The following WDR93 variants were observed in gnomAD, a reference collection of about 807,000 sequenced individuals.
WDR93 encodes WD repeat-containing protein 93.
A neutral mutation model predicts 82.9 loss-of-function variants in WDR93; 73 were observed. The ratio of observed to expected loss-of-function variants is 0.88; its 90% CI spans 0.73 to 1.07. WDR93 has a LOEUF of 1.07. WDR93 is among the 50% of genes least tolerant of loss of function. The pLI is 0.00. For missense variants in WDR93, 738 were observed against 826.0 expected (o/e 0.89, Z 1.31); for synonymous variants, 283 against 300.1 (o/e 0.94, Z 0.59).
chr15:89,711,905 T>A (rs780912162), intron 4 of WDR93, 121 bp from the exon 5 acceptor site: 9 of 578,580 alleles, frequency 1.6e-5, no homozygotes, highest in Non-Finnish European at 2.6e-5. Flanking sequence ...GTTTGAAGCA[T>A]CTTTTCATGT....
chr15:89,720,059 A>G (rs1208658819), intron 7 of WDR93, among the ~76,000 whole-genome samples: 1 of 151,984 alleles, frequency 6.6e-6, no homozygotes, highest in Non-Finnish European at 1.5e-5. Flanking sequence ...TCAGCCTCCC[A>G]AAGTGTTGGG....
At chr15:89,735,445 A>G (rs1967087043) in intron 13 of WDR93, 45 bp from the exon 14 acceptor site, 4 of 1,596,758 alleles carry the variant, frequency 2.5e-6, no homozygotes, top group Non-Finnish European at 3.4e-6. Flanking sequence ...CAAAACTTTT[A>G]AACTCTTAAA....
intron 1 of WDR93, among the ~76,000 whole-genome samples, chr15:89,697,658 A>C (rs1965249269): frequency 6.6e-6 from 1 of 152,156 alleles, no homozygotes; most frequent in African/African-American, 2.4e-5. Context: ...AAAATTACTT[A>C]ATAGTGTTAT....
rs148381322 is a variant in WDR93 at position 89,703,551 on chromosome 15, C to G, written c.496+409C>G. On this transcript the variant is annotated intron_variant, in intron 3 of 16. Coordinates refer to ENST00000268130, the MANE Select transcript of WDR93 (RefSeq NM_020212.2). ...TTTTTCCCTCAGCCTGAGGATGAACCAGGCCTCCATGAGGAGTATGGTATC... is the reference window on the plus strand; with the variant it reads ...TTTTTCCCTCAGCCTGAGGATGAACGAGGCCTCCATGAGGAGTATGGTATC... 20 of 207,548 alleles carry G rather than the reference C, an allele frequency of 9.6e-5. No individual in the cohort carries two copies. The East Asian group carries it at 2.4e-3, about 25-fold the overall frequency. 12.9% of individuals were successfully genotyped at this position (207,548 alleles called of 1,614,324 possible).
intron 4 of WDR93, among the ~76,000 whole-genome samples, chr15:89,707,282 C>CT (rs1447922990): frequency 6.6e-6 from 1 of 152,150 alleles, no homozygotes; most frequent in Non-Finnish European, 1.5e-5. Context: ...GCCAGGCACG[C>CT]TGGCTCATGC....
chr15:89,696,831 A>G (rs1405800357), intron 1 of WDR93, among the ~76,000 whole-genome samples: 1 of 152,018 alleles, frequency 6.6e-6, no homozygotes, highest in Non-Finnish European at 1.5e-5. Flanking sequence ...GTCATATGGT[A>G]AATATATGTT....
chr15:89,709,235 A>C (rs1965854508), intron 4 of WDR93, among the ~76,000 whole-genome samples: 1 of 152,214 alleles, frequency 6.6e-6, no homozygotes, highest in African/African-American at 2.4e-5. Context: ...ATGTCCAGAA[A>C]ATCCTAAACC....
intron 16 of WDR93, among the ~76,000 whole-genome samples, chr15:89,740,658 C>T (rs1357101187): frequency 5.3e-5 from 8 of 151,966 alleles, no homozygotes; most frequent in Admixed American, 2.0e-4. Flanking sequence ...TGCGCCACCA[C>T]GCCCGGCTAA....
chr15:89,717,577 G>A (rs778041735), intron 7 of WDR93, among the ~76,000 whole-genome samples: 4 of 152,084 alleles, frequency 2.6e-5, no homozygotes, highest in African/African-American at 7.2e-5. Flanking sequence ...CCCTCACTTG[G>A]GCCCCTGGAA....
intron 4 of WDR93, among the ~76,000 whole-genome samples, chr15:89,708,210 A>T (rs1965807760): frequency 6.6e-6 from 1 of 152,214 alleles, no homozygotes; most frequent in African/African-American, 2.4e-5. Flanking sequence ...CAAGAGGTAC[A>T]CATATGTCAA....
Position 89,733,017 on chromosome 15 carries a change from G to A in WDR93, c.1342G>A (p.Gly448Arg). Residue 448 changes from glycine (G) to arginine (R), a missense_variant, in exon 13 of 17, where the codon GGG (glycine) becomes AGG (arginine). Gly to Arg is a moderately radical substitution (Grantham distance 125). Transcript: ENST00000268130. ...LWDLAKGFPLGVAALPQGCFC... is the reference protein window; with the variant it reads ...LWDLAKGFPLRVAALPQGCFC... ...ATTACTTTCTCTAGGATTCCCTCTT[G>A]GGGTCGCTGCTCTTCCTCAGGGATG... 1 of 1,614,020 alleles carries A rather than the reference G, an allele frequency of 6.2e-7. No individual in the cohort carries two copies. The highest frequency in any genetic ancestry group is 8.5e-7 in the Non-Finnish European group (1 of 1,179,998).
chr15:89,734,544 G>A (rs1967003908), intron 13 of WDR93, among the ~76,000 whole-genome samples: 1 of 152,138 alleles, frequency 6.6e-6, no homozygotes, highest in Non-Finnish European at 1.5e-5. Flanking sequence ...ATTGGGCAAA[G>A]CACATCCCAC....
chr15:89,705,725 G>C, intron 4 of WDR93, 107 bp downstream of exon 4: 1 of 779,010 alleles, frequency 1.3e-6, no homozygotes, highest in South Asian at 1.6e-5. Flanking sequence ...AAGAAATAGA[G>C]ACCTCCATGG....
At chr15:89,721,140 CTTTT>C (rs1966507494) in intron 7 of WDR93, 1 of 152,144 alleles carries the variant, frequency 6.6e-6, no homozygotes, top group Non-Finnish European at 1.5e-5. Context: ...CCCAAGCTTT[CTTTT>C]GATTCATTTT....
Position 89,724,671 on chromosome 15 carries a change from A to G in WDR93, c.881-2486A>G, listed in dbSNP as rs538325100. 3.3e-5 allele frequency among the ~76,000 whole-genome samples: 5 copies of G among 152,314 alleles called. No homozygotes were observed. In the South Asian group the frequency reaches 8.3e-4, roughly 25 times the overall value. On this transcript the variant is annotated intron_variant, in intron 8 of 16. Transcript: ENST00000268130. The stretch of plus-strand genomic sequence containing the variant: ...AAGAGTATTGCACAGGCTATTCACA[A>G]AAAAAAGATTATTTAAATGACCAAT...
At chr15:89,698,177 C>T (rs1965283405) in intron 1 of WDR93, among the ~76,000 whole-genome samples, 1 of 152,118 alleles carries the variant, frequency 6.6e-6, no homozygotes, top group South Asian at 2.1e-4. Context: ...AACCACTGCA[C>T]CCGGCCCACT....
intron 16 of WDR93, among the ~76,000 whole-genome samples, chr15:89,742,659 G>A (rs1180431299): frequency 6.6e-6 from 1 of 152,046 alleles, no homozygotes; most frequent in East Asian, 1.9e-4. Context: ...TCAGCCTCCT[G>A]AGTAGCTGGC....
At chr15:89,722,187 C>A in intron 8 of WDR93, 48 bp downstream of exon 8, 1 of 1,307,680 alleles carries the variant, frequency 7.6e-7, no homozygotes, top group Non-Finnish European at 1.1e-6. Context: ...TTTATCTGTT[C>A]TTTCTTCCTT....
intron 4 of WDR93, among the ~76,000 whole-genome samples, chr15:89,706,891 A>G (rs1281586297): frequency 1.3e-5 from 2 of 152,222 alleles, no homozygotes; most frequent in African/African-American, 4.8e-5. Context: ...GGTTAGGCAA[A>G]GATATTTTAG....
Sources: allele counts gnomAD v4.1 joint callset (sites outside exome capture counted in the v4.1 genomes callset), GRCh38; gene constraint gnomAD v4.1.1; transcripts MANE v1.5; gene names NCBI Gene and HGNC (gene_info 2026-07-23, HGNC 2026-07-21).